CYB5R3: variants seen among roughly 807,000 people sequenced by gnomAD.
The protein encoded by CYB5R3 is cytochrome b5 reductase 3.
CYB5R3 carries 28 observed loss-of-function variants against 36.5 expected under a neutral mutation model. That is an observed-to-expected ratio of 0.77 (90% confidence interval 0.57 to 1.05). CYB5R3 has a LOEUF of 1.05. Ranked by LOEUF, CYB5R3 falls within the 50% of genes least tolerant of loss-of-function variation. The pLI is 0.00. For missense variants in CYB5R3, 474 were observed against 408.9 expected (o/e 1.16, Z -1.37); for synonymous variants, 181 against 159.8 (o/e 1.13, Z -1.00).
At chr22:42,626,487 C>T (rs1928274365) in intron 7 of CYB5R3, among the ~76,000 whole-genome samples, 1 of 152,160 alleles carries the variant, frequency 6.6e-6, no homozygotes, top group Admixed American at 6.5e-5. Flanking sequence ...GTCTGACGGC[C>T]TCCACAGACT....
chr22:42,626,644 G>A (rs1054428365), intron 7 of CYB5R3, among the ~76,000 whole-genome samples: 1 of 152,214 alleles, frequency 6.6e-6, no homozygotes, highest in Non-Finnish European at 1.5e-5. Context: ...GAGGCAGGGT[G>A]GGGCAAGGAC....
intron 7 of CYB5R3, among the ~76,000 whole-genome samples, chr22:42,626,234 C>T (rs542833447): frequency 2.6e-5 from 4 of 152,304 alleles, no homozygotes; most frequent in South Asian, 2.1e-4. Flanking sequence ...CACTTGAACC[C>T]GGGAGGCGGA....
chr22:42,629,859 A>G (rs78094199), intron 4 of CYB5R3, among the ~76,000 whole-genome samples: 10 of 152,040 alleles, frequency 6.6e-5, no homozygotes, highest in Non-Finnish European at 1.0e-4. Context: ...GTACAGTAGC[A>G]TGATCTTGGC....
At chr22:42,640,793 C>T (rs1313024879) in intron 1 of CYB5R3, among the ~76,000 whole-genome samples, 1 of 152,176 alleles carries the variant, frequency 6.6e-6, no homozygotes, top group African/African-American at 2.4e-5. Flanking sequence ...GGATGAAGAC[C>T]TTTATGATGA....
At chr22:42,637,087 G>A (rs1249948675) in intron 1 of CYB5R3, among the ~76,000 whole-genome samples, 1 of 152,176 alleles carries the variant, frequency 6.6e-6, no homozygotes, top group African/African-American at 2.4e-5. Flanking sequence ...AGTACCATGA[G>A]AAAAAGCTCC....
chr22:42,625,233 A>G (rs1415344479), intron 7 of CYB5R3, among the ~76,000 whole-genome samples: 1 of 152,192 alleles, frequency 6.6e-6, no homozygotes. Flanking sequence ...TAGGCCAGGC[A>G]TGGTGGCTCA....
chr22:42,646,440 C>G (rs1929541846), intron 1 of CYB5R3, among the ~76,000 whole-genome samples: 1 of 152,198 alleles, frequency 6.6e-6, no homozygotes, highest in Non-Finnish European at 1.5e-5. Flanking sequence ...CTGCGTAGCT[C>G]TGCTCCCCAC....
At chr22:42,631,101 T>C (rs1472670033) in intron 3 of CYB5R3, 113 bp from the exon 4 acceptor site, 2 of 1,035,482 alleles carry the variant, frequency 1.9e-6, no homozygotes, top group Non-Finnish European at 2.9e-6. Context: ...TGGCCTGGCG[T>C]CAGCTCCCAC....
At chr22:42,637,717 T>A (rs1207225205) in intron 1 of CYB5R3, among the ~76,000 whole-genome samples, 2 of 152,114 alleles carry the variant, frequency 1.3e-5, no homozygotes, top group Non-Finnish European at 2.9e-5. Context: ...CGGGCACGGC[T>A]CTCGCAGCAA....
chr22:42,644,672 G>T, intron 1 of CYB5R3: 1 of 985,370 alleles, frequency 1.0e-6, no homozygotes, highest in African/African-American at 1.7e-5. Context: ...CTCAGTCACA[G>T]AAACCACGCC....
chr22:42,629,432 C>T (rs1928489893), intron 4 of CYB5R3, among the ~76,000 whole-genome samples: 1 of 152,204 alleles, frequency 6.6e-6, no homozygotes, highest in African/African-American at 2.4e-5. Flanking sequence ...CCAACCCCAC[C>T]CATCCCTGGT....
At chr22:42,637,594 C>T (rs1928964782) in intron 1 of CYB5R3, among the ~76,000 whole-genome samples, 1 of 152,154 alleles carries the variant, frequency 6.6e-6, no homozygotes, top group Non-Finnish European at 1.5e-5. Flanking sequence ...GTCCCTTCCC[C>T]TCTCAACCTG....
rs530251354 is a variant in CYB5R3 at position 42,627,617 on chromosome 22, C to G, written c.535G>C (p.Ala179Pro). The G allele has an allele frequency of 6.2e-6, 10 of 1,613,944 alleles. No individual in the cohort carries two copies. Among genetic ancestry groups the G allele is most frequent in the Non-Finnish European group, 8.5e-6 (10 of 1,179,924 alleles). Reference protein sequence around the residue: ...IRTVKSVGMIAGGTGITPMLQ... With the variant: ...IRTVKSVGMIPGGTGITPMLQ... ...GGGTTCCGTGTACCTGTCCCTCCCG[C>G]GATCATGCCCACAGACTTCACTGTC... Residue 179 changes from alanine (A) to proline (P), a missense_variant, in exon 6 of 9, where the codon GCG (alanine) becomes CCG (proline). Transcript: ENST00000352397.
At chr22:42,624,974 C>T (rs1699523385) in intron 7 of CYB5R3, among the ~76,000 whole-genome samples, 1 of 152,176 alleles carries the variant, frequency 6.6e-6, no homozygotes, top group African/African-American at 2.4e-5. Context: ...AGCCTCAACA[C>T]ATCCCAGGGA....
chr22:42,639,389 A>G (rs1326463380), intron 1 of CYB5R3, among the ~76,000 whole-genome samples: 2 of 150,806 alleles, frequency 1.3e-5, no homozygotes, highest in Non-Finnish European at 2.9e-5. Context: ...GCACTTTGGG[A>G]GGCCGAGGCA....
intron 1 of CYB5R3, among the ~76,000 whole-genome samples, chr22:42,641,954 C>T (rs1368960282): frequency 6.6e-6 from 1 of 152,158 alleles, no homozygotes; most frequent in East Asian, 1.9e-4. Flanking sequence ...TACAGGTCAG[C>T]CCCTAACCCC....
chr22:42,647,640 G>T (rs1929593197), intron 1 of CYB5R3, among the ~76,000 whole-genome samples: 1 of 149,944 alleles, frequency 6.7e-6, no homozygotes, highest in African/African-American at 2.5e-5. Flanking sequence ...AATTGCTGGA[G>T]CCCAGGAAGT....
At chr22:42,644,304 C>A in intron 1 of CYB5R3, 2 of 676,338 alleles carry the variant, frequency 3.0e-6, no homozygotes, top group Admixed American at 2.1e-5. Context: ...AACCAACAGG[C>A]GGCTCCACCC....
intron 1 of CYB5R3, among the ~76,000 whole-genome samples, chr22:42,646,212 C>T (rs974589573): frequency 1.3e-5 from 2 of 152,152 alleles, no homozygotes; most frequent in African/African-American, 4.8e-5. Context: ...TGCACACTCA[C>T]ACACACACTC....
Sources: allele counts gnomAD v4.1 joint callset (sites outside exome capture counted in the v4.1 genomes callset), GRCh38; gene constraint gnomAD v4.1.1; transcripts MANE v1.5; gene names NCBI Gene and HGNC (gene_info 2026-07-23, HGNC 2026-07-21).